Variants in CACNA1D observed in about 807,000 individuals in gnomAD.
The protein encoded by CACNA1D is calcium voltage-gated channel subunit alpha1 D, also known as voltage-dependent L-type calcium channel subunit alpha-1D.
In CACNA1D, 55 loss-of-function variants were observed where a neutral mutation model predicts 257.1. The ratio of observed to expected loss-of-function variants is 0.21; its 90% CI spans 0.17 to 0.27. The LOEUF is 0.27. Ranked by LOEUF, CACNA1D falls within the 10% of genes least tolerant of loss-of-function variation. The pLI is 1.00. For missense variants in CACNA1D, 1,876 were observed against 2,784.0 expected, an observed-to-expected ratio of 0.67 and a Z score of 7.34; for synonymous variants, 980 against 1,014.9, an observed-to-expected ratio of 0.97 and a Z score of 0.65.
chr3:53,544,305 G>C (rs1360056158), intron 3 of CACNA1D, among the ~76,000 whole-genome samples: 1 of 152,084 alleles, frequency 6.6e-6, no homozygotes, highest in Non-Finnish European at 1.5e-5. Flanking sequence ...TATAATTATA[G>C]AAATTATATA....
intron 3 of CACNA1D, among the ~76,000 whole-genome samples, chr3:53,617,989 G>A (rs113058319): frequency 1.1e-4 from 16 of 152,298 alleles, no homozygotes; most frequent in African/African-American, 3.8e-4. Flanking sequence ...AGTCTCTGCT[G>A]AAGGAATGAA....
rs2289211 is a variant in CACNA1D at position 53,787,234 on chromosome 3, T to G, written c.4923+282T>G. Among the ~76,000 whole-genome samples, 74,988 of 151,944 alleles carry G rather than the reference T, an allele frequency of 0.49. 20,584 individuals are homozygous for G. The highest frequency in any genetic ancestry group is 0.75 in the African/African-American group (30,930 of 41,444). ...AGCGCTACCCTCGCACCCCAGCCCC[T>G]CCAGGCAGCATCCTCCAAGCAGGCA... On this transcript the variant is annotated intron_variant, in intron 40 of 47. Transcript: ENST00000350061.
intron 40 of CACNA1D, among the ~76,000 whole-genome samples, chr3:53,788,818 G>A (rs1415205907): frequency 6.6e-6 from 1 of 152,142 alleles, no homozygotes; most frequent in Admixed American, 6.5e-5. Context: ...CAGCCAGCAG[G>A]TTAGCTAGGT....
intron 40 of CACNA1D, among the ~76,000 whole-genome samples, chr3:53,797,511 T>C (rs901715166): frequency 6.6e-6 from 1 of 152,228 alleles, no homozygotes; most frequent in African/African-American, 2.4e-5. Context: ...TTAATAAATA[T>C]GTTGTCATTA....
rs569894156 is a variant in CACNA1D at position 53,764,892 on chromosome 3, A to G, written c.3870+2811A>G. On this transcript the variant is annotated intron_variant, in intron 30 of 47. Transcript: ENST00000350061. ...GCAGACACTCCCATAGTGTGCTTTC[A>G]GTCAGTGACCTTTTTCCTGGTCAGC... is the stretch of plus-strand genomic sequence containing the variant. Among the ~76,000 whole-genome samples, 14 of 152,338 alleles carry G rather than the reference A, an allele frequency of 9.2e-5. 1 individual carries two copies. Among genetic ancestry groups the G allele is most frequent in the African/African-American group, 3.1e-4 (13 of 41,594 alleles).
chr3:53,540,329 T>G (rs1245990465), intron 3 of CACNA1D, among the ~76,000 whole-genome samples: 2 of 151,620 alleles, frequency 1.3e-5, no homozygotes, highest in African/African-American at 2.4e-5. Flanking sequence ...TTTCACCATG[T>G]TGGCCAGCCT....
At chr3:53,782,264 G>GTGTGTGTGTATATA (rs6147823) in intron 39 of CACNA1D, 5 of 75,444 alleles carry the variant, frequency 6.6e-5, no homozygotes, top group Non-Finnish European at 8.9e-5. Context: ...GTGTGTGTGT[G>GTGTGTGTGTATATA]TATATATATA....
intron 3 of CACNA1D, among the ~76,000 whole-genome samples, chr3:53,636,873 T>G (rs2093890247): frequency 6.6e-6 from 1 of 152,258 alleles, no homozygotes; most frequent in East Asian, 1.9e-4. Context: ...AAATATTTTG[T>G]TCTGTGCCAA....
At chr3:53,617,039 C>G (rs368392107) in intron 3 of CACNA1D, among the ~76,000 whole-genome samples, 4 of 152,162 alleles carry the variant, frequency 2.6e-5, no homozygotes, top group African/African-American at 9.7e-5. Flanking sequence ...CCTCCCTCCC[C>G]CAGCACACCT....
chr3:53,782,260 G>GTATATATATA lies in CACNA1D; in HGVS notation c.4792+594_4792+595insATATATATAT, dbSNP rs1462213888. Reference sequence around the variant, plus strand: ...ATACAGTGTGTGTGTGTGTGTGTGTGTGTGTATATATATATATATATATAT... The same window carrying GTATATATATA: ...ATACAGTGTGTGTGTGTGTGTGTGTGTATATATATATGTGTATATATATATATATATATAT... On this transcript the variant is annotated intron_variant, in intron 39 of 47. Coordinates refer to ENST00000350061, the MANE Select transcript of CACNA1D (RefSeq NM_001128840.3). The GTATATATATA allele has an allele frequency of 1.2e-3, 56 of 46,244 alleles. 1 individual carries two copies. Among genetic ancestry groups the GTATATATATA allele is most frequent in the East Asian group, 8.1e-3 (7 of 860 alleles). 2.9% of individuals were successfully genotyped at this position (46,244 alleles called of 1,614,324 possible). A position where few individuals can be genotyped will look rare whatever the true frequency, so the allele number is the denominator to read the frequency against.
At chr3:53,719,877 T>A in intron 11 of CACNA1D, 96 bp downstream of exon 11, 1 of 1,119,716 alleles carries the variant, frequency 8.9e-7, no homozygotes, top group Middle Eastern at 2.0e-4. Context: ...GACTTGAGTT[T>A]TCCTCTGTGG....
rs1043211241 is a variant in CACNA1D, at chr3:53,722,397, T to A, written c.1589T>A (p.Ile530Asn). The change falls in exon 12 of 48, where the codon ATC becomes AAC. Residue 530 changes from isoleucine (I) to asparagine (N), a missense_variant. Ile to Asn is a moderately radical substitution (Grantham distance 149). This residue lies in a region of CACNA1D where 257 missense variants were observed against 399.7 expected (regional missense o/e 0.64). Coordinates refer to ENST00000350061, the MANE Select transcript of CACNA1D (RefSeq NM_001128840.3). ...VKSVTFYWLV[I>N]VLVFLNTLTI... ...TCTGTCACGTTTTACTGGCTGGTTA[T>A]CGTCCTGGTGTTTCTGAACACCTTA... 1 of 1,614,100 alleles carries A rather than the reference T, an allele frequency of 6.2e-7. No individual in the cohort carries two copies. Among genetic ancestry groups the A allele is most frequent in the African/African-American group, 1.3e-5 (1 of 74,950 alleles).
At chr3:53,788,532 A>G (rs2095468155) in intron 40 of CACNA1D, among the ~76,000 whole-genome samples, 1 of 152,266 alleles carries the variant, frequency 6.6e-6, no homozygotes, top group South Asian at 2.1e-4. Context: ...ATATGTTTGC[A>G]GATTAGAAGA....
Position 53,696,464 on chromosome 3 carries a change from C to T in CACNA1D, c.1221-6177C>T, listed in dbSNP as rs964856877. Among the ~76,000 whole-genome samples, 4 of 152,198 alleles carry T rather than the reference C, an allele frequency of 2.6e-5. No individual in the cohort carries two copies. In the East Asian group the frequency reaches 7.7e-4, roughly 29 times the overall value. On this transcript the variant is annotated intron_variant, in intron 8 of 47. Coordinates refer to ENST00000350061, the MANE Select transcript of CACNA1D (RefSeq NM_001128840.3). ...CCCCTGCCTCCCCATAGTCACTCACCAGCGGGGATGGGGTAAGGTGTTGCT... is the reference window on the plus strand; with the variant it reads ...CCCCTGCCTCCCCATAGTCACTCACTAGCGGGGATGGGGTAAGGTGTTGCT...
intron 4 of CACNA1D, among the ~76,000 whole-genome samples, chr3:53,651,366 C>CTTTTTTTATTTTTTTTTTTTTT (rs2094091893): frequency 1.2e-5 from 1 of 81,834 alleles, no homozygotes; most frequent in Non-Finnish European, 2.3e-5. Flanking sequence ...TATTAATTTT[C>CTTTTTTTATTTTTTTTTTTTTT]TTTTTTTTTT....
intron 3 of CACNA1D, among the ~76,000 whole-genome samples, chr3:53,509,125 T>C (rs565876871): frequency 4.0e-4 from 61 of 152,202 alleles, no homozygotes. Context: ...CAGGTGAGAT[T>C]GGTATTCTCC....
intron 3 of CACNA1D, among the ~76,000 whole-genome samples, chr3:53,627,886 A>G (rs1394843415): frequency 6.6e-6 from 1 of 152,068 alleles, no homozygotes; most frequent in Non-Finnish European, 1.5e-5. Flanking sequence ...GGTGGTAGGC[A>G]TCTGTAATCC....
chr3:53,578,269 G>A (rs138410123), intron 3 of CACNA1D, among the ~76,000 whole-genome samples: 193 of 152,184 alleles, frequency 1.3e-3, no homozygotes, highest in Non-Finnish European at 2.4e-3. Flanking sequence ...CTAGATGGAG[G>A]GGGTGGTATC....
At chr3:53,803,302 G>T in intron 43 of CACNA1D, 121 bp from the exon 44 acceptor site, 1 of 1,026,526 alleles carries the variant, frequency 9.7e-7, no homozygotes, top group South Asian at 1.3e-5. Context: ...CCTGAGGCAG[G>T]TGCGCGCTGG....
Sources: gnomAD v4.1 joint callset for allele counts (sites outside exome capture counted in the v4.1 genomes callset) on GRCh38, gnomAD v4.1.1 for gene constraint, gnomAD v4.1.1 regional missense constraint, MANE v1.5 for transcripts, NCBI Gene and HGNC (gene_info 2026-07-23, HGNC 2026-07-21) for gene names.